The following ATG4A variants were observed in gnomAD, a reference collection of about 807,000 sequenced individuals.
ATG4A encodes autophagy related 4A cysteine peptidase.
In ATG4A, 22 loss-of-function variants were observed where a neutral mutation model predicts 38.4. That is an observed-to-expected ratio of 0.57 (90% CI 0.41 to 0.82). The LOEUF is 0.82. Among genes scored for constraint, ATG4A ranks in the 40% least tolerant of loss-of-function variants. The pLI, the probability that ATG4A is intolerant of heterozygous loss-of-function variation, is 0.00. For synonymous variants in ATG4A, 86 were observed against 100.7 expected (o/e 0.85, Z 0.88); for missense variants, 220 against 290.0 (o/e 0.76, Z 1.75).
At chrX:108,099,502 A>G (rs2031936580) in intron 1 of ATG4A, among the ~76,000 whole-genome samples, 1 of 111,544 alleles carries the variant, frequency 9.0e-6, no homozygotes, top group Non-Finnish European at 1.9e-5. Flanking sequence ...TTTTGATGAC[A>G]TTCAACTTAT....
Position 108,134,358 on chromosome X carries a change from A to G in ATG4A, c.414A>G (p.Glu138=), listed in dbSNP as rs1447351720. 3.3e-6 allele frequency: 4 copies of G among 1,209,833 alleles called. No individual in the cohort carries two copies. The highest frequency in any genetic ancestry group is 4.5e-6 in the Non-Finnish European group (4 of 894,932). ...AAACAGCACAAATGGGTGTAGGAGA[A>G]GGGAAATCAATTGGAGAATGGTTTG... ...IHQMAQMGVG[E]GKSIGEWFGP... Residue 138 remains glutamate, a synonymous_variant, in exon 6 of 13, where the codon GAA becomes GAG. Transcript: ENST00000372232.
At chrX:108,120,654 T>C (rs2032625245) in intron 1 of ATG4A, among the ~76,000 whole-genome samples, 1 of 112,283 alleles carries the variant, frequency 8.9e-6, no homozygotes, top group Non-Finnish European at 1.9e-5. Flanking sequence ...CTGTAAGAAA[T>C]GTCATATTTT....
intron 1 of ATG4A, among the ~76,000 whole-genome samples, chrX:108,104,320 T>TA (rs1367459256): frequency 8.9e-6 from 1 of 112,230 alleles, no homozygotes; most frequent in African/African-American, 3.2e-5. Flanking sequence ...GCATTTCTTG[T>TA]AAGGCAGTTC....
At chrX:108,126,335 G>A in intron 2 of ATG4A, 148 bp downstream of exon 2, 1 of 476,427 alleles carries the variant, frequency 2.1e-6, no homozygotes, top group East Asian at 3.9e-5. Context: ...GTAGTCAAAG[G>A]AGCTTAAGCC....
intron 1 of ATG4A, among the ~76,000 whole-genome samples, chrX:108,118,847 A>G (rs1205445998): frequency 1.8e-5 from 2 of 112,098 alleles, no homozygotes; most frequent in Non-Finnish European, 3.8e-5. Context: ...GACAGCACTT[A>G]GTTATTATTA....
At chrX:108,097,344 T>A (rs2031856638) in intron 1 of ATG4A, among the ~76,000 whole-genome samples, 2 of 112,182 alleles carry the variant, frequency 1.8e-5, no homozygotes, top group South Asian at 7.4e-4. Context: ...CTGTCAGAGT[T>A]CTTTGGGTTG....
At chrX:108,140,816 TA>T (rs2033225560) in intron 9 of ATG4A, among the ~76,000 whole-genome samples, 1 of 98,166 alleles carries the variant, frequency 1.0e-5, no homozygotes, top group Admixed American at 1.2e-4. Context: ...AAAATATATA[TA>T]AAATGTATTA....
chrX:108,152,047 AT>A, intron 11 of ATG4A, 189 bp downstream of exon 11: 1 of 389,732 alleles, frequency 2.6e-6, no homozygotes, highest in Non-Finnish European at 4.4e-6. Context: ...CTGAACAAAA[AT>A]TTTGGTTTGA....
At chrX:108,117,710 T>C (rs1379154931) in intron 1 of ATG4A, among the ~76,000 whole-genome samples, 1 of 112,117 alleles carries the variant, frequency 8.9e-6, no homozygotes, top group Non-Finnish European at 1.9e-5. Flanking sequence ...AGCATTTTAT[T>C]GTCAACAGCA....
intron 1 of ATG4A, among the ~76,000 whole-genome samples, chrX:108,098,710 A>G (rs940287710): frequency 1.8e-5 from 2 of 111,832 alleles, no homozygotes; most frequent in Non-Finnish European, 3.8e-5. Flanking sequence ...TAAGAATTTT[A>G]TATATAATTA....
chrX:108,096,922 C>T (rs765259190), intron 1 of ATG4A, among the ~76,000 whole-genome samples: 7 of 110,864 alleles, frequency 6.3e-5, no homozygotes, highest in African/African-American at 2.0e-4. Context: ...GGGTCTGACT[C>T]CCTTTCTGCT....
At chrX:108,149,980 G>C (rs2033542622) in intron 9 of ATG4A, 172 bp from the exon 10 acceptor site, 1 of 468,230 alleles carries the variant, frequency 2.1e-6, no homozygotes, top group Non-Finnish European at 3.6e-6. Flanking sequence ...GATAAGATTT[G>C]GGCGCAAGTG....
At chrX:108,091,957 A>T (rs2031642336) in intron 1 of ATG4A, 121 bp downstream of exon 1, 1 of 1,103,700 alleles carries the variant, frequency 9.1e-7, no homozygotes, top group South Asian at 2.0e-5. Flanking sequence ...TGAGAGCCTA[A>T]AGGTCCTGTC....
intron 3 of ATG4A, among the ~76,000 whole-genome samples, chrX:108,130,517 T>G (rs1333569235): frequency 8.9e-6 from 1 of 112,402 alleles, no homozygotes; most frequent in Non-Finnish European, 1.9e-5. Flanking sequence ...TTTATTAATA[T>G]GGGTTTAAAT....
upstream of ATG4A, chrX:108,091,447 C>T: frequency 8.2e-7 from 1 of 1,212,433 alleles, no homozygotes; most frequent in Admixed American, 2.2e-5. Context: ...GGCCAGAATA[C>T]TCTCCTTCAA....
intron 9 of ATG4A, among the ~76,000 whole-genome samples, chrX:108,147,369 C>T (rs2033450272): frequency 1.8e-5 from 2 of 111,782 alleles, no homozygotes; most frequent in African/African-American, 6.5e-5. Context: ...TCCCCAGCTT[C>T]ATCAGGGTCC....
intron 1 of ATG4A, among the ~76,000 whole-genome samples, chrX:108,108,158 A>AC (rs1213291616): frequency 1.6e-4 from 8 of 48,794 alleles, no homozygotes; most frequent in African/African-American, 8.0e-4. Context: ...TTTTTGAGGC[A>AC]CTTTTTTTTT....
intron 9 of ATG4A, among the ~76,000 whole-genome samples, chrX:108,139,816 C>T (rs1025328352): frequency 2.7e-5 from 3 of 111,837 alleles, no homozygotes; most frequent in African/African-American, 9.8e-5. Flanking sequence ...AAGATCCAGG[C>T]ACTGGCAGAT....
Position 108,126,191 on chromosome X carries a change from A to G in ATG4A, c.121+4A>G. ...AAGCAGCATCTCCTTAAAACAGGTA[A>G]GATTTGGTAGCATTTGTCTGTAAGA... On this transcript the variant is annotated splice_donor_region_variant and intron_variant, in intron 2 of 12. Coordinates refer to ENST00000372232, the MANE Select transcript of ATG4A (RefSeq NM_052936.5). 8.5e-7 allele frequency: 1 copy of G among 1,170,373 alleles called. No individual in the cohort carries two copies.
Sources: allele counts gnomAD v4.1 joint callset (sites outside exome capture counted in the v4.1 genomes callset), GRCh38; gene constraint gnomAD v4.1.1; transcripts MANE v1.5; gene names NCBI Gene and HGNC (gene_info 2026-07-23, HGNC 2026-07-21).